The following KLHL6 variants were observed in gnomAD, a reference collection of about 807,000 sequenced individuals.
The protein encoded by KLHL6 is kelch like family member 6, also known as kelch-like protein 6.
Under a neutral mutation model 58.6 loss-of-function variants are expected in KLHL6, and 41 were observed. That is an observed-to-expected ratio of 0.70 (90% CI 0.55 to 0.91). The LOEUF (loss-of-function observed/expected upper bound fraction) is 0.91, where lower values mean the gene tolerates loss of function less well. Among genes scored for constraint, KLHL6 ranks in the 40% least tolerant of loss-of-function variants. The pLI is 0.00. For missense variants in KLHL6, 714 were observed against 805.6 expected (o/e 0.89, Z 1.38); for synonymous variants, 338 against 322.7 (o/e 1.05, Z -0.51).
intron 1 of KLHL6, among the ~76,000 whole-genome samples, chr3:183,542,888 A>ATGGATGGATGGATGGG (rs879727320): frequency 0.024 from 3,587 of 147,026 alleles, 74 homozygotes; most frequent in Non-Finnish European, 0.035. Context: ...GGATGGATGG[A>ATGGATGGATGGATGGG]TGGATGGATG....
intron 1 of KLHL6, among the ~76,000 whole-genome samples, chr3:183,551,269 C>T (rs370605654): frequency 3.9e-5 from 6 of 151,992 alleles, no homozygotes; most frequent in African/African-American, 1.2e-4. Context: ...CAGACAGTCC[C>T]GGGGAATGAT....
intron 1 of KLHL6, chr3:183,544,767 C>G (rs1221493081): frequency 6.6e-6 from 1 of 152,392 alleles, no homozygotes; most frequent in African/African-American, 2.4e-5. Flanking sequence ...CACACACACA[C>G]ACACACACAC....
At chr3:183,531,603 C>T (rs1213686530) in intron 1 of KLHL6, among the ~76,000 whole-genome samples, 4 of 152,028 alleles carry the variant, frequency 2.6e-5, no homozygotes, top group African/African-American at 7.2e-5. Context: ...CCTGCCACCA[C>T]GCCTGGCTAA....
chr3:183,555,310 C>CTCT, intron 1 of KLHL6, 51 bp downstream of exon 1: 6 of 1,539,752 alleles, frequency 3.9e-6, no homozygotes, highest in Non-Finnish European at 5.4e-6. Context: ...ACTAACACAC[C>CTCT]TCTTCCTTGC....
rs1713072176 is a variant in KLHL6, at chr3:183,555,367, T to C, written c.287A>G (p.Tyr96Cys). 1 of 1,613,834 alleles carries C rather than the reference T, an allele frequency of 6.2e-7. No homozygotes were observed. The highest frequency in any genetic ancestry group is 8.5e-7 in the Non-Finnish European group (1 of 1,179,806). The change falls in exon 1 of 7, where the codon TAT becomes TGT. Residue 96 changes from tyrosine (Y) to cysteine (C), a missense_variant. Coordinates refer to ENST00000341319, the MANE Select transcript of KLHL6 (RefSeq NM_130446.4). ...HRVVLAAASN[Y>C]FRAMFCNDLK... is the part of the protein sequence containing the mutation. ...TGGTCCTAGGCATGCTGACCTGAAA[T>C]AGTTGCTGGCTGCGGCAAGCACCAC...
At chr3:183,493,153 G>C (rs1717620863) in intron 5 of KLHL6, 2 of 195,032 alleles carry the variant, frequency 1.0e-5, no homozygotes, top group Admixed American at 1.1e-4. Flanking sequence ...GGTGGCCACA[G>C]GTAAGCAGAC....
At chr3:183,501,342 T>C (rs2108668728) in intron 3 of KLHL6, among the ~76,000 whole-genome samples, 1 of 152,262 alleles carries the variant, frequency 6.6e-6, no homozygotes, top group South Asian at 2.1e-4. Context: ...TAAACCACCT[T>C]CCCCACAGCT....
At chr3:183,548,800 G>A (rs1258341185) in intron 1 of KLHL6, 1 of 148,282 alleles carries the variant, frequency 6.7e-6, no homozygotes, top group African/African-American at 2.6e-5. Context: ...ATACACCATG[G>A]AATACTGTGC....
chr3:183,507,958 G>A, intron 3 of KLHL6, 101 bp downstream of exon 3: 1 of 1,025,574 alleles, frequency 9.8e-7, no homozygotes, highest in South Asian at 1.6e-5. Flanking sequence ...TCTCCTTAAT[G>A]CCCTAAGGAT....
At chr3:183,526,095 G>A (rs1675681101) in intron 2 of KLHL6, among the ~76,000 whole-genome samples, 1 of 152,054 alleles carries the variant, frequency 6.6e-6, no homozygotes, top group Admixed American at 6.6e-5. Context: ...ATCACCTGAG[G>A]TCGGGAGTTC....
intron 4 of KLHL6, among the ~76,000 whole-genome samples, chr3:183,495,445 G>C (rs1191773062): frequency 6.6e-6 from 1 of 152,018 alleles, no homozygotes; most frequent in Non-Finnish European, 1.5e-5. Context: ...TCCTTTGGGT[G>C]GGGTACCTTT....
chr3:183,520,003 G>C (rs1377608192), intron 2 of KLHL6, among the ~76,000 whole-genome samples: 2 of 151,038 alleles, frequency 1.3e-5, no homozygotes, highest in African/African-American at 4.9e-5. Flanking sequence ...CTCTGTACTA[G>C]TTAGGACTCA....
chr3:183,504,696 G>A (rs1476347766), intron 3 of KLHL6, among the ~76,000 whole-genome samples: 1 of 152,100 alleles, frequency 6.6e-6, no homozygotes, highest in Non-Finnish European at 1.5e-5. Context: ...GTTTTAAAGT[G>A]CTATTTATTT....
In KLHL6 at chr3:183,494,261, C is replaced by T; in HGVS notation, c.1168G>A (p.Asp390Asn). 6.2e-7 allele frequency: 1 copy of T among 1,613,884 alleles called. No individual in the cohort carries two copies. The highest frequency in any genetic ancestry group is 8.5e-7 in the Non-Finnish European group (1 of 1,179,750). ...ATCGAAGAATTATATTTCCAAACAT[C>T]ATGCTGTGTTTCTTTGCCACCTGCA... ...YISGGKETQH[D>N]VWKYNSSINK... The change falls in exon 5 of 7, where the codon GAT becomes AAT. Residue 390 changes from aspartate (D) to asparagine (N), a missense_variant. Asp to Asn is a conservative substitution (Grantham distance 23, BLOSUM62 1). Transcript: ENST00000341319.
intron 1 of KLHL6, among the ~76,000 whole-genome samples, chr3:183,541,889 G>C (rs150662804): frequency 1.3e-5 from 2 of 152,076 alleles, no homozygotes; most frequent in African/African-American, 4.8e-5. Context: ...GCAGGAGAAG[G>C]GTTGATAAGG....
intron 3 of KLHL6, among the ~76,000 whole-genome samples, chr3:183,506,157 G>T (rs1032083717): frequency 1.3e-5 from 2 of 152,130 alleles, no homozygotes; most frequent in Non-Finnish European, 2.9e-5. Context: ...TATATGTATG[G>T]GTGTTCATGT....
intron 2 of KLHL6, among the ~76,000 whole-genome samples, chr3:183,509,685 C>A (rs998636093): frequency 6.6e-5 from 10 of 152,156 alleles, no homozygotes; most frequent in African/African-American, 2.4e-4. Flanking sequence ...GATGGCAGAA[C>A]CACACAGAGG....
At chr3:183,531,443 G>GTTTTTTTTTTTTTTTTTTTTTTT (rs59579259) in intron 1 of KLHL6, among the ~76,000 whole-genome samples, 1 of 90,358 alleles carries the variant, frequency 1.1e-5, no homozygotes, top group African/African-American at 4.8e-5. Context: ...TTTTGTCTGT[G>GTTTTTTTTTTTTTTTTTTTTTTT]TTTTTTTTTT....
Position 183,555,271 on chromosome 3 carries a change from T to C in KLHL6, c.293+90A>G, listed in dbSNP as rs1354580326. 3.8e-6 allele frequency: 4 copies of C among 1,045,848 alleles called. No homozygotes were observed. The South Asian group carries it at 4.5e-5, about 12-fold the overall frequency. The allele number at this position is 1,045,848 out of a possible 1,614,324, so 64.8% of individuals were successfully genotyped here. On this transcript the variant is annotated intron_variant, in intron 1 of 6. Coordinates refer to ENST00000341319, the MANE Select transcript of KLHL6 (RefSeq NM_130446.4). The stretch of plus-strand genomic sequence containing the variant: ...ATATATATGTAAACCATAAATATCA[T>C]GGCCAACTGTTCAAGATTGGGCTCT...
Sources: allele counts gnomAD v4.1 joint callset (sites outside exome capture counted in the v4.1 genomes callset), GRCh38; gene constraint gnomAD v4.1.1; transcripts MANE v1.5; gene names NCBI Gene and HGNC (gene_info 2026-07-23, HGNC 2026-07-21).